HTR4: variants seen among roughly 807,000 people sequenced by gnomAD.
The protein encoded by HTR4 is 5-hydroxytryptamine (serotonin) receptor 4, G protein-coupled.
A neutral mutation model predicts 36.8 loss-of-function variants in HTR4; 16 were observed. The ratio of observed to expected loss-of-function variants is 0.43; its 90% CI spans 0.29 to 0.66. HTR4 has a LOEUF of 0.66. HTR4 is among the 30% of genes least tolerant of loss of function. The pLI is 0.13. For synonymous variants in HTR4, 189 were observed against 185.1 expected (o/e 1.02, Z -0.17); for missense variants, 438 against 490.9 (o/e 0.89, Z 1.02).
At chr5:148,497,710 G>T (rs1357593750) in intron 6 of HTR4, among the ~76,000 whole-genome samples, 1 of 152,208 alleles carries the variant, frequency 6.6e-6, no homozygotes, top group Admixed American at 6.5e-5. Flanking sequence ...CAAGATTAAG[G>T]ATGAGACAAG....
At chr5:148,471,235 T>C (rs1448269751) in intron 5 of HTR4, among the ~76,000 whole-genome samples, 3 of 152,214 alleles carry the variant, frequency 2.0e-5, no homozygotes, top group Non-Finnish European at 4.4e-5. Flanking sequence ...TTTCTCCTCT[T>C]GGAACAGACT....
At chr5:148,511,875 T>A (rs1391314472) in intron 5 of HTR4, among the ~76,000 whole-genome samples, 1 of 152,158 alleles carries the variant, frequency 6.6e-6, no homozygotes, top group Non-Finnish European at 1.5e-5. Flanking sequence ...GTTGGTAAAG[T>A]TTATTTGATT....
intron 2 of HTR4, among the ~76,000 whole-genome samples, chr5:148,581,186 T>A (rs1315619184): frequency 6.6e-6 from 1 of 152,064 alleles, no homozygotes; most frequent in Non-Finnish European, 1.5e-5. Flanking sequence ...CATTTTTAAA[T>A]CAGGTTATTT....
chr5:148,600,408 A>G (rs1295036765), intron 2 of HTR4, among the ~76,000 whole-genome samples: 1 of 149,984 alleles, frequency 6.7e-6, no homozygotes, highest in Non-Finnish European at 1.5e-5. Context: ...GGAAGCTCTT[A>G]ACTAGGCTTA....
chr5:148,493,933 A>G (rs1424892083), intron 6 of HTR4, among the ~76,000 whole-genome samples: 1 of 152,174 alleles, frequency 6.6e-6, no homozygotes, highest in African/African-American at 2.4e-5. Flanking sequence ...AAAGGCCATA[A>G]GATGGCTTTT....
At chr5:148,564,352 A>G (rs1430578362) in intron 2 of HTR4, among the ~76,000 whole-genome samples, 1 of 152,136 alleles carries the variant, frequency 6.6e-6, no homozygotes, top group East Asian at 1.9e-4. Flanking sequence ...TCCCTGTCGT[A>G]TATGCTTCCA....
chr5:148,617,876 T>G (rs919800487), intron 2 of HTR4, among the ~76,000 whole-genome samples: 2 of 152,134 alleles, frequency 1.3e-5, no homozygotes, highest in Non-Finnish European at 2.9e-5. Context: ...AGGCAAAGTA[T>G]GGCTGCGATG....
intron 5 of HTR4, among the ~76,000 whole-genome samples, chr5:148,459,547 AAGTTC>A (rs1230734098): frequency 6.6e-6 from 1 of 152,114 alleles, no homozygotes; most frequent in African/African-American, 2.4e-5. Context: ...AGCACGTGTG[AAGTTC>A]ACTCACAGCC....
rs575749892 is a variant in HTR4, at chr5:148,524,842, C to T, written c.354-1496G>A. Among the ~76,000 whole-genome samples, 3 of 152,222 alleles carry T rather than the reference C, an allele frequency of 2.0e-5. No homozygotes were observed. In the East Asian group the frequency reaches 5.8e-4, roughly 29 times the overall value. On this transcript the variant is annotated intron_variant, in intron 4 of 6. Coordinates refer to ENST00000377888, the MANE Select transcript of HTR4 (RefSeq NM_000870.7). ...CAAAGCCTAACTAACAAAACAATGG[C>T]TATATTCTTTGAAGAGGTGGTAGTA... is the stretch of plus-strand genomic sequence containing the variant.
intron 2 of HTR4, among the ~76,000 whole-genome samples, chr5:148,555,166 CTTTT>C (rs34748286): frequency 1.3e-5 from 2 of 152,060 alleles, no homozygotes; most frequent in Non-Finnish European, 2.9e-5. Context: ...TTTTAGGTCG[CTTTT>C]TTGTCTATGG....
chr5:148,519,512 G>T (rs965607169), intron 5 of HTR4, among the ~76,000 whole-genome samples: 1 of 152,112 alleles, frequency 6.6e-6, no homozygotes, highest in African/African-American at 2.4e-5. Flanking sequence ...GTATGTGTAG[G>T]TTTATATGTG....
intron 2 of HTR4, among the ~76,000 whole-genome samples, chr5:148,585,706 C>T (rs1761319731): frequency 6.6e-6 from 1 of 152,188 alleles, no homozygotes; most frequent in Non-Finnish European, 1.5e-5. Flanking sequence ...AGCCTCTTGA[C>T]TCCTATTGGG....
At chr5:148,519,482 T>C (rs1174020917) in intron 5 of HTR4, among the ~76,000 whole-genome samples, 1 of 152,200 alleles carries the variant, frequency 6.6e-6, no homozygotes, top group Non-Finnish European at 1.5e-5. Context: ...GGTTTCTGCC[T>C]TGGGCATCTG....
At position 148,654,457 on chromosome 5, in the gene HTR4, C is replaced by A; in HGVS notation, c.-443G>T. 2.0e-6 allele frequency: 2 copies of A among 985,354 alleles called. No homozygotes were observed. The highest frequency in any genetic ancestry group is 9.4e-5 in the South Asian group (2 of 21,276). The allele number at this position is 985,354 out of a possible 1,614,324, so 61.0% of individuals were successfully genotyped here. A position where few individuals can be genotyped will look rare whatever the true frequency, so the allele number is the denominator to read the frequency against. Reference sequence around the variant, plus strand: ...GCGCACAGGGGAGTGGGCACAGAGGCGGGCTGGAGCGATCTCACCCGTTCC... The same window carrying A: ...GCGCACAGGGGAGTGGGCACAGAGGAGGGCTGGAGCGATCTCACCCGTTCC... On this transcript the variant is annotated 5_prime_UTR_variant, in exon 1 of 7. Transcript: ENST00000377888.
At chr5:148,477,194 A>G (rs573862150), downstream of HTR4, among the ~76,000 whole-genome samples, 24 of 152,336 alleles carry the variant, frequency 1.6e-4, no homozygotes, top group Non-Finnish European at 3.1e-4. Context: ...AAGGAAATGC[A>G]TGAGAAAGTC....
chr5:148,487,629 G>T (rs574018063), intron 6 of HTR4, among the ~76,000 whole-genome samples: 3 of 152,254 alleles, frequency 2.0e-5, no homozygotes, highest in South Asian at 4.1e-4. Flanking sequence ...TGATTCTTAC[G>T]CACACAGGTG....
chr5:148,496,075 G>A (rs1018206393), intron 6 of HTR4, among the ~76,000 whole-genome samples: 32 of 152,180 alleles, frequency 2.1e-4, no homozygotes, highest in Admixed American at 1.3e-4. Flanking sequence ...ACTCCAGCCT[G>A]GGTGACAGTG....
In HTR4 at chr5:148,484,873, C is replaced by G. The variant is rs144182775; in HGVS notation, c.1077-1580G>C. ...TAAAGTGTAAACTCTCTAGATAACT[C>G]AAGATGTGCCCTCAGGCCTTTACAT... On this transcript the variant is annotated intron_variant, in intron 6 of 6. Transcript: ENST00000377888. Among the ~76,000 whole-genome samples the G allele has an allele frequency of 2.5e-3, 385 of 152,250 alleles. 2 individuals carry two copies. Among genetic ancestry groups the G allele is most frequent in the African/African-American group, 8.8e-3 (367 of 41,554 alleles).
chr5:148,535,926 C>T (rs577905289), intron 4 of HTR4, among the ~76,000 whole-genome samples: 12 of 152,194 alleles, frequency 7.9e-5, no homozygotes, highest in African/African-American at 2.6e-4. Context: ...CCCCAAGACA[C>T]ATAATCATCA....
Sources: gnomAD v4.1 joint callset for allele counts (sites outside exome capture counted in the v4.1 genomes callset) on GRCh38, gnomAD v4.1.1 for gene constraint, MANE v1.5 for transcripts, NCBI Gene and HGNC (gene_info 2026-07-23, HGNC 2026-07-21) for gene names.